The following PRKG1 variants were observed in gnomAD, a reference collection of about 807,000 sequenced individuals.
PRKG1 encodes protein kinase cGMP-dependent 1.
Under a neutral mutation model 88.1 loss-of-function variants are expected in PRKG1, and 35 were observed. The observed-to-expected ratio is 0.40, with a 90% CI of 0.30 to 0.53. The LOEUF (loss-of-function observed/expected upper bound fraction) is 0.53. PRKG1 is among the 20% of genes least tolerant of loss of function. The probability of loss-of-function intolerance (pLI) is 0.59; values close to 1 mark genes in which losing one functional copy is unlikely to be tolerated. For missense variants in PRKG1, 540 were observed against 839.8 expected (o/e 0.64, Z 4.41); for synonymous variants, 303 against 292.5 (o/e 1.04, Z -0.37).
chr10:52,290,314 A>G, intron 17 of PRKG1, 24 bp downstream of exon 17: 2 of 1,558,158 alleles, frequency 1.3e-6, no homozygotes, highest in Non-Finnish European at 1.8e-6. Context: ...CCAGCTTATA[A>G]TTGTGTGACA....
chr10:51,830,615 G>A (rs1381250189), intron 4 of PRKG1, among the ~76,000 whole-genome samples: 7 of 144,146 alleles, frequency 4.9e-5, no homozygotes, highest in South Asian at 2.2e-4. Context: ...AGGCTGGAGA[G>A]CAGTGGCACA....
At chr10:51,170,765 G>C (rs1047015302) in intron 2 of PRKG1, among the ~76,000 whole-genome samples, 24 of 138,070 alleles carry the variant, frequency 1.7e-4, no homozygotes, top group South Asian at 5.6e-4. Context: ...TTGCAGGGGT[G>C]GGGGGGTGGG....
At chr10:52,214,887 CTGCTATGAAAGCAGTA>C (rs1367907928) in intron 9 of PRKG1, among the ~76,000 whole-genome samples, 1 of 152,088 alleles carries the variant, frequency 6.6e-6, no homozygotes, top group African/African-American at 2.4e-5. Flanking sequence ...GGAACAGTTT[CTGCTATGAAAGCAGTA>C]GGCCGGTTTT....
intron 3 of PRKG1, among the ~76,000 whole-genome samples, chr10:51,576,807 T>C (rs751654860): frequency 3.3e-5 from 5 of 151,990 alleles, no homozygotes; most frequent in African/African-American, 7.2e-5. Flanking sequence ...ATTCTAAATG[T>C]GATAGTAATT....
chr10:52,122,332 C>A (rs754827497), intron 7 of PRKG1, among the ~76,000 whole-genome samples: 2 of 152,224 alleles, frequency 1.3e-5, no homozygotes, highest in Non-Finnish European at 2.9e-5. Flanking sequence ...AATGGTCCCT[C>A]TTCTCAACAC....
chr10:51,009,246 G>A (rs573786171), intron 1 of PRKG1, among the ~76,000 whole-genome samples: 4 of 152,070 alleles, frequency 2.6e-5, no homozygotes, highest in African/African-American at 9.7e-5. Flanking sequence ...GATATATTAG[G>A]ATAAAGATAG....
rs892405138 is a variant in PRKG1 at position 51,943,532 on chromosome 10, A to G, written c.762+35962A>G. On this transcript the variant is annotated intron_variant, in intron 5 of 17. Transcript: ENST00000373980. The stretch of plus-strand genomic sequence containing the variant: ...AGAGAGGGCATCCCTGTCTTATGCC[A>G]GTTTTCAAAGGGAATGCTTCCAGTT... Among the ~76,000 whole-genome samples the G allele has an allele frequency of 3.3e-4, 50 of 152,138 alleles. No homozygotes were observed. The East Asian group carries it at 7.7e-3, about 23-fold the overall frequency.
chr10:51,518,217 C>T (rs527921855), intron 3 of PRKG1, among the ~76,000 whole-genome samples: 10 of 152,222 alleles, frequency 6.6e-5, no homozygotes, highest in Non-Finnish European at 1.2e-4. Context: ...AGGCTGGTCT[C>T]GAACTCCTGG....
At chr10:51,848,633 C>CTG (rs35222566) in intron 4 of PRKG1, among the ~76,000 whole-genome samples, 11,783 of 145,110 alleles carry the variant, frequency 0.081, 506 homozygotes, top group Non-Finnish European at 0.1. Context: ...GTGTCTGTAT[C>CTG]TGTGTGTGTG....
chr10:51,607,379 A>G (rs948884563), intron 3 of PRKG1, among the ~76,000 whole-genome samples: 1 of 152,296 alleles, frequency 6.6e-6, no homozygotes, highest in Admixed American at 6.5e-5. Flanking sequence ...TGAATATATG[A>G]TGTAGCTACA....
At chr10:52,276,200 GGCTAGGAC>G (rs1841870430) in intron 12 of PRKG1, among the ~76,000 whole-genome samples, 1 of 152,098 alleles carries the variant, frequency 6.6e-6, no homozygotes, top group African/African-American at 2.4e-5. Flanking sequence ...TGATTGCTCT[GGCTAGGAC>G]TTCCAGTACT....
At chr10:51,693,287 CA>C (rs762828746) in intron 3 of PRKG1, among the ~76,000 whole-genome samples, 2,882 of 70,542 alleles carry the variant, frequency 0.041, 75 homozygotes, top group African/African-American at 0.1. Flanking sequence ...GACACCACCT[CA>C]AAAAAAAAAA....
intron 2 of PRKG1, chr10:51,320,708 C>T (rs1358725088): frequency 6.6e-6 from 1 of 152,246 alleles, no homozygotes; most frequent in Non-Finnish European, 1.5e-5. Flanking sequence ...ACCAACATTT[C>T]TGTCCTTTCT....
At chr10:51,747,922 T>C (rs1318539096) in intron 3 of PRKG1, among the ~76,000 whole-genome samples, 2 of 152,120 alleles carry the variant, frequency 1.3e-5, no homozygotes, top group African/African-American at 4.8e-5. Flanking sequence ...ACCTTAGCAA[T>C]CATTTAGTCT....
At chr10:52,043,309 T>C (rs1419280176) in intron 5 of PRKG1, among the ~76,000 whole-genome samples, 1 of 152,088 alleles carries the variant, frequency 6.6e-6, no homozygotes, top group Non-Finnish European at 1.5e-5. Context: ...AAATCATACC[T>C]TGGCTATTGT....
intron 2 of PRKG1, among the ~76,000 whole-genome samples, chr10:51,281,503 G>C (rs1171517493): frequency 6.6e-6 from 1 of 152,198 alleles, no homozygotes; most frequent in African/African-American, 2.4e-5. Context: ...GCAAGGCTGG[G>C]GGAGGGGTGC....
At chr10:51,046,065 C>A (rs1843484778) in intron 1 of PRKG1, among the ~76,000 whole-genome samples, 1 of 152,200 alleles carries the variant, frequency 6.6e-6, no homozygotes, top group Non-Finnish European at 1.5e-5. Context: ...CCAGGGTCTA[C>A]ACCCAGCCTT....
chr10:51,524,805 T>C, intron 3 of PRKG1, among the ~76,000 whole-genome samples: 1 of 152,264 alleles, frequency 6.6e-6, no homozygotes. Context: ...CTATGTTTTC[T>C]CTTAACAGAT....
chr10:51,936,337 A>C (rs951302130), intron 5 of PRKG1, among the ~76,000 whole-genome samples: 10 of 151,996 alleles, frequency 6.6e-5, no homozygotes, highest in African/African-American at 2.2e-4. Context: ...TTTATTTCTC[A>C]ATTCACAGCA....
Sources: allele counts gnomAD v4.1 joint callset (sites outside exome capture counted in the v4.1 genomes callset), GRCh38; gene constraint gnomAD v4.1.1; transcripts MANE v1.5; gene names NCBI Gene and HGNC (gene_info 2026-07-23, HGNC 2026-07-21).